PAK1: variants seen among roughly 807,000 people sequenced by gnomAD.
The protein encoded by PAK1 is serine/threonine-protein kinase PAK 1.
PAK1 carries 29 observed loss-of-function variants against 67.4 expected under a neutral mutation model. That is an observed-to-expected ratio of 0.43 (90% CI 0.32 to 0.59). The LOEUF (loss-of-function observed/expected upper bound fraction) is 0.59, where lower values mean the gene tolerates loss of function less well. Among genes scored for constraint, PAK1 ranks in the 20% least tolerant of loss-of-function variants. The probability of loss-of-function intolerance (pLI) is 0.07; values close to 1 mark genes in which losing one functional copy is unlikely to be tolerated. For missense variants in PAK1, 337 were observed against 670.7 expected (o/e 0.50, Z 5.50); for synonymous variants, 223 against 237.4 (o/e 0.94, Z 0.56).
intron 11 of PAK1, among the ~76,000 whole-genome samples, 199 bp from the exon 12 acceptor site, chr11:77,337,622 T>TA (rs1942922192): frequency 1.3e-5 from 2 of 152,196 alleles, no homozygotes; most frequent in South Asian, 4.1e-4. Flanking sequence ...AACATTCTTT[T>TA]AACACTCCAT....
intron 14 of PAK1, among the ~76,000 whole-genome samples, chr11:77,326,847 G>C (rs947240192): frequency 6.6e-6 from 1 of 152,052 alleles, no homozygotes; most frequent in Non-Finnish European, 1.5e-5. Context: ...AGCTACAGGA[G>C]GAAATTCGAA....
intron 2 of PAK1, among the ~76,000 whole-genome samples, chr11:77,388,888 G>C (rs1203906048): frequency 3.3e-5 from 5 of 152,148 alleles, no homozygotes; most frequent in African/African-American, 7.2e-5. Context: ...TGCTGTTTCA[G>C]ACTGGAATCT....
chr11:77,473,215 G>C (rs778952085), intron 1 of PAK1, among the ~76,000 whole-genome samples: 4 of 152,220 alleles, frequency 2.6e-5, no homozygotes, highest in Non-Finnish European at 1.5e-5. Context: ...AGTTCGGGAC[G>C]GACTCGGTCC....
At chr11:77,413,919 A>T (rs908147665) in intron 1 of PAK1, among the ~76,000 whole-genome samples, 1 of 152,112 alleles carries the variant, frequency 6.6e-6, no homozygotes, top group Admixed American at 6.5e-5. Flanking sequence ...TCAAACTAAT[A>T]AGCAATAATC....
intron 1 of PAK1, among the ~76,000 whole-genome samples, chr11:77,427,555 A>G (rs1200416476): frequency 1.3e-5 from 2 of 152,088 alleles, no homozygotes; most frequent in African/African-American, 2.4e-5. Context: ...ATGGACTTCA[A>G]ATGAAAGCAA....
At chr11:77,390,833 G>A (rs1276142913) in intron 2 of PAK1, among the ~76,000 whole-genome samples, 1 of 151,974 alleles carries the variant, frequency 6.6e-6, no homozygotes, top group East Asian at 1.9e-4. Flanking sequence ...CAAACCCAAA[G>A]GGAAGTGAAG....
intron 1 of PAK1, among the ~76,000 whole-genome samples, chr11:77,462,756 C>T (rs1162292923): frequency 6.6e-6 from 1 of 150,450 alleles, no homozygotes. Flanking sequence ...TGCTTAAATC[C>T]GGAAGGAAGA....
chr11:77,450,335 A>G (rs1317229248), intron 1 of PAK1, among the ~76,000 whole-genome samples: 1 of 152,162 alleles, frequency 6.6e-6, no homozygotes, highest in Non-Finnish European at 1.5e-5. Flanking sequence ...CATTAAAGCC[A>G]CAAATACCAC....
At chr11:77,518,609 G>A in the PAK1 span, among the ~76,000 whole-genome samples, 1 of 152,190 alleles carries the variant, frequency 6.6e-6, no homozygotes, top group South Asian at 2.1e-4. Flanking sequence ...AAAATGAGAT[G>A]TGTGAGAGAG....
intron 1 of PAK1, among the ~76,000 whole-genome samples, chr11:77,419,889 A>G (rs1047972210): frequency 1.3e-5 from 2 of 152,208 alleles, no homozygotes; most frequent in Admixed American, 1.3e-4. Context: ...TCTTAGATCT[A>G]GATATGAGGT....
the PAK1 span, among the ~76,000 whole-genome samples, chr11:77,526,391 C>T: frequency 6.6e-6 from 1 of 152,156 alleles, no homozygotes; most frequent in Non-Finnish European, 1.5e-5. Flanking sequence ...AGCCTTCCAT[C>T]CAACAACTCT....
At chr11:77,474,274 G>C (rs1191027261), upstream of PAK1, 1 of 152,070 alleles carries the variant, frequency 6.6e-6, no homozygotes, top group African/African-American at 2.4e-5. Context: ...CCGCAGGTGA[G>C]AGGGGGCGGG....
intron 14 of PAK1, among the ~76,000 whole-genome samples, chr11:77,326,095 C>T (rs1939759482): frequency 6.6e-6 from 1 of 152,148 alleles, no homozygotes; most frequent in African/African-American, 2.4e-5. Context: ...GCATGTGATA[C>T]TTACTATTAG....
chr11:77,463,299 A>G (rs564475817), intron 1 of PAK1, among the ~76,000 whole-genome samples: 1 of 152,324 alleles, frequency 6.6e-6, no homozygotes, highest in South Asian at 2.1e-4. Flanking sequence ...ACACAGCAAA[A>G]TACCACAGAA....
intron 4 of PAK1, among the ~76,000 whole-genome samples, chr11:77,378,358 C>G (rs945446735): frequency 2.0e-5 from 3 of 152,138 alleles, no homozygotes; most frequent in African/African-American, 7.2e-5. Flanking sequence ...TAAAAACACT[C>G]TGAAAAATAT....
chr11:77,379,774 A>T, intron 3 of PAK1, 120 bp downstream of exon 3: 1 of 725,276 alleles, frequency 1.4e-6, no homozygotes, highest in East Asian at 2.6e-5. Flanking sequence ...AACGTGAGAA[A>T]ATTGTAATCA....
chr11:77,370,285 C>T (rs776732126), intron 5 of PAK1, among the ~76,000 whole-genome samples: 7 of 150,986 alleles, frequency 4.6e-5, no homozygotes, highest in Non-Finnish European at 8.8e-5. Flanking sequence ...TTTATATCTG[C>T]GGTAGAATTT....
intron 7 of PAK1, among the ~76,000 whole-genome samples, chr11:77,353,822 C>G (rs112229078): frequency 4.6e-5 from 7 of 152,046 alleles, no homozygotes; most frequent in Non-Finnish European, 7.4e-5. Flanking sequence ...TTCTAAACTC[C>G]TAAAAGTCAT....
At chr11:77,425,675 A>G (rs628325) in intron 1 of PAK1, among the ~76,000 whole-genome samples, 106,758 of 152,140 alleles carry the variant, frequency 0.7, 38,327 homozygotes, top group African/African-American at 0.85. Context: ...AGAAGGGACA[A>G]GCCTAGCACC....
Sources: gnomAD v4.1 joint callset for allele counts (sites outside exome capture counted in the v4.1 genomes callset) on GRCh38, gnomAD v4.1.1 for gene constraint, MANE v1.5 for transcripts, NCBI Gene and HGNC (gene_info 2026-07-23, HGNC 2026-07-21) for gene names.